LYPLAL1: variants seen among roughly 807,000 people sequenced by gnomAD.
LYPLAL1 encodes lysophospholipase like 1.
LYPLAL1 carries 23 observed loss-of-function variants against 19.7 expected under a neutral mutation model. The observed-to-expected ratio is 1.17, with a 90% CI of 0.84 to 1.65. LYPLAL1 has a LOEUF of 1.65. Among genes scored for constraint, LYPLAL1 ranks in the 40% most tolerant of loss-of-function variants. The pLI, the probability that LYPLAL1 is intolerant of heterozygous loss-of-function variation, is 0.00. For synonymous variants in LYPLAL1, 119 were observed against 96.3 expected, an observed-to-expected ratio of 1.24 and a Z score of -1.38; for missense variants, 355 against 279.4, an observed-to-expected ratio of 1.27 and a Z score of -1.93.
chr1:219,313,710 C>G, the LYPLAL1 span, among the ~76,000 whole-genome samples: 7 of 151,694 alleles, frequency 4.6e-5, no homozygotes, highest in East Asian at 1.4e-3. Flanking sequence ...AATTTTTGTA[C>G]TTTTAGTAGA....
chr1:219,415,046 G>C, the LYPLAL1 span, among the ~76,000 whole-genome samples: 1 of 152,072 alleles, frequency 6.6e-6, no homozygotes, highest in African/African-American at 2.4e-5. Context: ...GATGTCCAAA[G>C]TAAAATAATA....
chr1:219,262,591 G>A, the LYPLAL1 span, among the ~76,000 whole-genome samples: 9 of 152,196 alleles, frequency 5.9e-5, no homozygotes, highest in East Asian at 1.2e-3. Flanking sequence ...AAACTGCTGC[G>A]ATTATTATTG....
At chr1:219,327,376 G>A in the LYPLAL1 span, among the ~76,000 whole-genome samples, 2 of 152,176 alleles carry the variant, frequency 1.3e-5, no homozygotes, top group African/African-American at 4.8e-5. Context: ...GAAGAACACT[G>A]ACTAGGCAAA....
intron 2 of LYPLAL1, 73 bp downstream of exon 2, chr1:219,179,319 A>C (rs1428534960): frequency 9.3e-7 from 1 of 1,070,910 alleles, no homozygotes. Context: ...TGTGCCAGCT[A>C]GGTGTTCTTT....
the LYPLAL1 span, among the ~76,000 whole-genome samples, chr1:219,265,500 A>G: frequency 6.6e-6 from 1 of 152,188 alleles, no homozygotes. Flanking sequence ...TTTTTCCCCA[A>G]TTTAACTGAG....
At chr1:219,294,247 A>C in the LYPLAL1 span, among the ~76,000 whole-genome samples, 2 of 152,212 alleles carry the variant, frequency 1.3e-5, no homozygotes, top group Admixed American at 1.3e-4. Flanking sequence ...CAAAGCTTTC[A>C]AATCTGTATG....
the LYPLAL1 span, among the ~76,000 whole-genome samples, chr1:219,351,707 A>T: frequency 2.0e-5 from 3 of 152,254 alleles, no homozygotes; most frequent in Non-Finnish European, 2.9e-5. Context: ...AGTTATTCAC[A>T]GTGTTTTAAA....
chr1:219,207,309 T>G (rs942388697), intron 3 of LYPLAL1, among the ~76,000 whole-genome samples: 2 of 152,110 alleles, frequency 1.3e-5, no homozygotes, highest in African/African-American at 4.8e-5. Context: ...ACATCTGATT[T>G]ATGGCATAAG....
chr1:219,390,565 AT>A, the LYPLAL1 span, among the ~76,000 whole-genome samples: 1 of 152,136 alleles, frequency 6.6e-6, no homozygotes, highest in African/African-American at 2.4e-5. Flanking sequence ...TGCCCTTTCC[AT>A]AATTTGTCCA....
At chr1:219,419,594 C>CACGCACACACACAGAGAGAG in the LYPLAL1 span, among the ~76,000 whole-genome samples, 1 of 99,530 alleles carries the variant, frequency 1.0e-5, no homozygotes, top group African/African-American at 4.0e-5. Flanking sequence ...CACACACACA[C>CACGCACACACACAGAGAGAG]AGAGAGAGAG....
chr1:219,401,350 T>TTTTTTTTTTTTTTTTTTTGAGACGG, the LYPLAL1 span, among the ~76,000 whole-genome samples: 7 of 148,774 alleles, frequency 4.7e-5, no homozygotes, highest in East Asian at 6.1e-4. Flanking sequence ...TTTCTTTTTT[T>TTTTTTTTTTTTTTTTTTTGAGACGG]AATTGCCACT....
chr1:219,423,495 G>C, the LYPLAL1 span, among the ~76,000 whole-genome samples: 2 of 152,160 alleles, frequency 1.3e-5, no homozygotes, highest in Non-Finnish European at 2.9e-5. Flanking sequence ...TTTTGAGTGA[G>C]ATATATAAAA....
chr1:219,274,499 C>T, the LYPLAL1 span, among the ~76,000 whole-genome samples: 33 of 152,262 alleles, frequency 2.2e-4, no homozygotes, highest in South Asian at 6.0e-3. Context: ...GATTCTCCTG[C>T]CTCAGCCTCC....
chr1:219,289,801 A>T, the LYPLAL1 span, among the ~76,000 whole-genome samples: 1 of 152,244 alleles, frequency 6.6e-6, no homozygotes. Context: ...AAAGTTAAAT[A>T]AATATTTCAA....
At chr1:219,205,578 T>G (rs943608842) in intron 3 of LYPLAL1, among the ~76,000 whole-genome samples, 1 of 152,146 alleles carries the variant, frequency 6.6e-6, no homozygotes, top group Non-Finnish European at 1.5e-5. Context: ...TTGTAAAATT[T>G]TGTACAAGAA....
the LYPLAL1 span, among the ~76,000 whole-genome samples, chr1:219,236,161 A>C: frequency 2.6e-5 from 4 of 152,228 alleles, no homozygotes; most frequent in Non-Finnish European, 5.9e-5. Flanking sequence ...TCTGGATTCT[A>C]TACATTTAGG....
At chr1:219,397,595 C>T in the LYPLAL1 span, among the ~76,000 whole-genome samples, 141 of 152,280 alleles carry the variant, frequency 9.3e-4, no homozygotes, top group East Asian at 0.026. Context: ...ATCCTGCCAT[C>T]ATGATGTTAA....
At chr1:219,275,792 A>G in the LYPLAL1 span, among the ~76,000 whole-genome samples, 1 of 152,146 alleles carries the variant, frequency 6.6e-6, no homozygotes, top group East Asian at 1.9e-4. Context: ...AACAATATTT[A>G]AAATATTAAA....
chr1:219,283,503 A>G, the LYPLAL1 span, among the ~76,000 whole-genome samples: 1,042 of 152,264 alleles, frequency 6.8e-3, 3 homozygotes, highest in Non-Finnish European at 0.01. Flanking sequence ...AAGTGGAAAA[A>G]TCTATTTTTC....
Sources: allele counts gnomAD v4.1 joint callset (sites outside exome capture counted in the v4.1 genomes callset), GRCh38; gene constraint gnomAD v4.1.1; transcripts MANE v1.5; gene names NCBI Gene and HGNC (gene_info 2026-07-23, HGNC 2026-07-21).